The following ZBTB16 variants were observed in gnomAD, a reference collection of about 807,000 sequenced individuals.
ZBTB16 encodes the protein zinc finger and BTB domain-containing protein 16.
In ZBTB16, 8 loss-of-function variants were observed where a neutral mutation model predicts 56.8. The ratio of observed to expected loss-of-function variants is 0.14; its 90% confidence interval spans 0.08 to 0.25. The LOEUF is 0.25. Ranked by LOEUF, ZBTB16 falls within the 10% of genes least tolerant of loss-of-function variation. The pLI is 1.00. For synonymous variants in ZBTB16, 363 were observed against 368.5 expected (o/e 0.98, Z 0.17); for missense variants, 625 against 903.0 (o/e 0.69, Z 3.95).
At chr11:114,073,923 C>T (rs930863149) in intron 2 of ZBTB16, among the ~76,000 whole-genome samples, 2 of 152,206 alleles carry the variant, frequency 1.3e-5, no homozygotes, top group African/African-American at 2.4e-5. Context: ...ACCAAACCAT[C>T]GTCTTAGTGG....
In ZBTB16 at chr11:114,083,838, T is replaced by C. The variant is rs111258110; in HGVS notation, c.1268+19270T>C. ...AATTCTGCTCTGTGGGTGATACTTATAAGGTAACTATATGGCTTCCTTATT... is the reference window on the plus strand; with the variant it reads ...AATTCTGCTCTGTGGGTGATACTTACAAGGTAACTATATGGCTTCCTTATT... On this transcript the variant is annotated intron_variant, in intron 2 of 6. Transcript: ENST00000335953. 1.3e-3 allele frequency among the ~76,000 whole-genome samples: 204 copies of C among 152,316 alleles called. 1 individual carries two copies. The highest frequency in any genetic ancestry group is 6.8e-3 in the Middle Eastern group (2 of 294).
At chr11:114,207,833 C>T (rs940809047) in intron 4 of ZBTB16, among the ~76,000 whole-genome samples, 5 of 152,138 alleles carry the variant, frequency 3.3e-5, no homozygotes, top group East Asian at 1.9e-4. Context: ...AGGCTGGTCT[C>T]GAACTCCTGA....
Position 114,216,176 on chromosome 11 carries a change from C to T in ZBTB16, c.1454-25991C>T, listed in dbSNP as rs199817434. 1.9e-4 allele frequency among the ~76,000 whole-genome samples: 29 copies of T among 152,318 alleles called. No individual in the cohort carries two copies. The East Asian group carries it at 3.7e-3, about 19-fold the overall frequency. On this transcript the variant is annotated intron_variant, in intron 4 of 6. Coordinates refer to ENST00000335953, the MANE Select transcript of ZBTB16 (RefSeq NM_006006.6). ...TCTCCTATCCTCTCTTCCCAGTGCA[C>T]CCTTTCCCTTGCACACACAGGCACC...
intron 2 of ZBTB16, among the ~76,000 whole-genome samples, chr11:114,083,857 C>T (rs539762034): frequency 6.6e-6 from 1 of 152,224 alleles, no homozygotes; most frequent in South Asian, 2.1e-4. Context: ...TATATGGCTT[C>T]CTTATTTAGG....
chr11:114,148,373 CT>C (rs1290807569), intron 2 of ZBTB16, among the ~76,000 whole-genome samples: 4 of 141,794 alleles, frequency 2.8e-5, no homozygotes, highest in African/African-American at 8.0e-5. Context: ...TCCTTCCTTC[CT>C]TCCTTCCTTC....
intron 3 of ZBTB16, among the ~76,000 whole-genome samples, chr11:114,183,104 G>A (rs912089981): frequency 3.9e-5 from 6 of 152,182 alleles, no homozygotes; most frequent in Admixed American, 3.9e-4. Context: ...GGAGAGCTGG[G>A]GGGGAAGTCA....
At chr11:114,126,648 G>C (rs934985147) in intron 2 of ZBTB16, among the ~76,000 whole-genome samples, 3 of 152,184 alleles carry the variant, frequency 2.0e-5, no homozygotes, top group African/African-American at 7.2e-5. Flanking sequence ...AGAGGTTGAA[G>C]GGATGGTCAG....
rs563163654 is a variant in ZBTB16 at position 114,205,939 on chromosome 11, G to A, written c.1453+18901G>A. Among the ~76,000 whole-genome samples, 6 of 152,166 alleles carry A rather than the reference G, an allele frequency of 3.9e-5. No homozygotes were observed. In the East Asian group the frequency reaches 7.8e-4, roughly 20 times the overall value. ...GGGTTTTTCTATTTTGAAATGGCTC[G>A]GGATCCCCTGTCTCCAGACAAGTGG... On this transcript the variant is annotated intron_variant, in intron 4 of 6. Transcript: ENST00000335953.
intron 2 of ZBTB16, among the ~76,000 whole-genome samples, chr11:114,069,138 T>G (rs1009604958): frequency 6.6e-6 from 1 of 152,152 alleles, no homozygotes; most frequent in African/African-American, 2.4e-5. Context: ...CAGGCTGGAG[T>G]GCAGTGGCGC....
intron 2 of ZBTB16, among the ~76,000 whole-genome samples, chr11:114,094,188 G>A (rs532690265): frequency 1.0e-3 from 152 of 152,174 alleles, no homozygotes; most frequent in African/African-American, 3.4e-3. Context: ...GGTGGCGGGC[G>A]CCTGTAGTCC....
chr11:114,173,328 G>A (rs886372560), intron 3 of ZBTB16, among the ~76,000 whole-genome samples: 2 of 152,146 alleles, frequency 1.3e-5, no homozygotes, highest in African/African-American at 4.8e-5. Context: ...CAGCATCGAG[G>A]TGCCACTGAG....
intron 3 of ZBTB16, among the ~76,000 whole-genome samples, chr11:114,175,816 G>A (rs1030117440): frequency 6.6e-6 from 1 of 152,084 alleles, no homozygotes; most frequent in Non-Finnish European, 1.5e-5. Flanking sequence ...TATGTCATTT[G>A]GCAGGAGTGT....
chr11:114,096,935 T>TA (rs1555133363), intron 2 of ZBTB16, among the ~76,000 whole-genome samples: 1 of 151,560 alleles, frequency 6.6e-6, no homozygotes, highest in Non-Finnish European at 1.5e-5. Context: ...GTTATGTGTA[T>TA]ACACACACAC....
chr11:114,223,152 A>T (rs1944266689), intron 4 of ZBTB16, among the ~76,000 whole-genome samples: 1 of 152,138 alleles, frequency 6.6e-6, no homozygotes, highest in Non-Finnish European at 1.5e-5. Context: ...CTCTCTAGAG[A>T]TCTGTGTCTT....
chr11:114,230,711 T>C (rs1275642571), intron 4 of ZBTB16, among the ~76,000 whole-genome samples: 1 of 152,170 alleles, frequency 6.6e-6, no homozygotes, highest in Non-Finnish European at 1.5e-5. Flanking sequence ...TATTTTGTTT[T>C]GCTTATTTAT....
At position 114,159,937 on chromosome 11, in the gene ZBTB16, C is replaced by CGGGGGGGG. The variant is rs140105293; in HGVS notation, c.1366+3510_1366+3511insGGGGGGGG. ...GCTCCAGAACCCTGGGCGGGGGAGG[C>CGGGGGGGG]GGGGGGGAGGCGAGCATTTTTTTTC... On this transcript the variant is annotated intron_variant, in intron 3 of 6. Transcript: ENST00000335953. Among the ~76,000 whole-genome samples, 78 of 93,350 alleles carry CGGGGGGGG rather than the reference C, an allele frequency of 8.4e-4. 2 individuals carry two copies. Among genetic ancestry groups the CGGGGGGGG allele is most frequent in the Middle Eastern group, 5.3e-3 (1 of 188 alleles). 61.2% of individuals were successfully genotyped at this position (93,350 alleles called of 152,430 possible).
At chr11:114,158,590 C>G (rs991956879) in intron 3 of ZBTB16, among the ~76,000 whole-genome samples, 1 of 152,202 alleles carries the variant, frequency 6.6e-6, no homozygotes, top group African/African-American at 2.4e-5. Flanking sequence ...ATGGACTTAT[C>G]TCTCTTACTT....
chr11:114,225,775 T>C (rs1944317399), intron 4 of ZBTB16, among the ~76,000 whole-genome samples: 1 of 152,208 alleles, frequency 6.6e-6, no homozygotes, highest in South Asian at 2.1e-4. Context: ...GATTTAAATA[T>C]CTGTACCCCA....
At chr11:114,093,557 C>G (rs760089342) in intron 2 of ZBTB16, among the ~76,000 whole-genome samples, 6 of 152,130 alleles carry the variant, frequency 3.9e-5, no homozygotes, top group Non-Finnish European at 5.9e-5. Context: ...GAGTGTGTGG[C>G]CCAAGGATGG....
Sources: gnomAD v4.1 joint callset for allele counts (sites outside exome capture counted in the v4.1 genomes callset) on GRCh38, gnomAD v4.1.1 for gene constraint, MANE v1.5 for transcripts, NCBI Gene and HGNC (gene_info 2026-07-23, HGNC 2026-07-21) for gene names.